The following KHDRBS2 variants were observed in gnomAD, a reference collection of about 807,000 sequenced individuals.
The protein encoded by KHDRBS2 is KH RNA binding domain containing, signal transduction associated 2.
Under a neutral mutation model 44.3 loss-of-function variants are expected in KHDRBS2, and 26 were observed. That is an observed-to-expected ratio of 0.59 (90% CI 0.43 to 0.81). The LOEUF (loss-of-function observed/expected upper bound fraction) is 0.81, where lower values mean the gene tolerates loss of function less well. Among genes scored for constraint, KHDRBS2 ranks in the 40% least tolerant of loss-of-function variants. The pLI, the probability that KHDRBS2 is intolerant of heterozygous loss-of-function variation, is 0.00. For missense variants in KHDRBS2, 476 were observed against 433.1 expected (o/e 1.10, Z -0.88); for synonymous variants, 194 against 151.1 (o/e 1.28, Z -2.08).
chr6:61,977,710 A>G (rs1562568836), intron 4 of KHDRBS2, among the ~76,000 whole-genome samples: 1 of 152,100 alleles, frequency 6.6e-6, no homozygotes, highest in Admixed American at 6.6e-5. Context: ...TTCCCTATTA[A>G]TTGTAAATTG....
the KHDRBS2 span, among the ~76,000 whole-genome samples, chr6:61,656,030 A>C: frequency 6.6e-6 from 1 of 152,090 alleles, no homozygotes; most frequent in Non-Finnish European, 1.5e-5. Flanking sequence ...TATGCAGTAT[A>C]AACAAAATTC....
intron 2 of KHDRBS2, among the ~76,000 whole-genome samples, chr6:62,060,240 T>C (rs559576825): frequency 6.6e-6 from 1 of 151,898 alleles, no homozygotes; most frequent in African/African-American, 2.4e-5. Flanking sequence ...TTCTGATCTT[T>C]AGGTAAAAGC....
intron 2 of KHDRBS2, among the ~76,000 whole-genome samples, chr6:62,122,032 T>C (rs1807779558): frequency 6.6e-6 from 1 of 152,022 alleles, no homozygotes; most frequent in South Asian, 2.1e-4. Flanking sequence ...TTTGGGTGTG[T>C]TACTCCAGCC....
chr6:61,835,449 A>T (rs1480118316), intron 6 of KHDRBS2, among the ~76,000 whole-genome samples: 1 of 151,998 alleles, frequency 6.6e-6, no homozygotes, highest in Non-Finnish European at 1.5e-5. Flanking sequence ...CTTCCATAGT[A>T]CAGAGATATT....
chr6:61,745,398 T>C (rs146179727), intron 6 of KHDRBS2, among the ~76,000 whole-genome samples: 1 of 152,302 alleles, frequency 6.6e-6, no homozygotes, highest in Non-Finnish European at 1.5e-5. Context: ...TGAACAGAAC[T>C]ATGACTAATG....
intron 1 of KHDRBS2, among the ~76,000 whole-genome samples, chr6:62,239,565 C>T (rs1834250519): frequency 8.3e-6 from 1 of 120,842 alleles, no homozygotes; most frequent in African/African-American, 3.5e-5. Flanking sequence ...AGAGTTAGAC[C>T]CCATCTCAAT....
At chr6:61,586,032 A>C in the KHDRBS2 span, among the ~76,000 whole-genome samples, 1 of 152,192 alleles carries the variant, frequency 6.6e-6, no homozygotes, top group Admixed American at 6.6e-5. Flanking sequence ...GCCAACACTG[A>C]GATAACACTG....
At chr6:62,143,718 T>C (rs539737785) in intron 2 of KHDRBS2, among the ~76,000 whole-genome samples, 1 of 151,848 alleles carries the variant, frequency 6.6e-6, no homozygotes, top group African/African-American at 2.4e-5. Context: ...TTTCAGAATG[T>C]TAGACTTAGA....
At chr6:61,843,957 C>A (rs1181490237) in intron 6 of KHDRBS2, among the ~76,000 whole-genome samples, 5 of 152,080 alleles carry the variant, frequency 3.3e-5, no homozygotes. Context: ...GCTTAAGTGT[C>A]AATCTTTTCT....
intron 2 of KHDRBS2, among the ~76,000 whole-genome samples, chr6:62,129,709 G>A (rs1311762938): frequency 6.6e-6 from 1 of 151,990 alleles, no homozygotes; most frequent in Non-Finnish European, 1.5e-5. Flanking sequence ...AATTAAAATA[G>A]CATTAAAATT....
At chr6:62,036,471 C>T (rs893433621) in intron 3 of KHDRBS2, among the ~76,000 whole-genome samples, 14 of 151,896 alleles carry the variant, frequency 9.2e-5, no homozygotes, top group African/African-American at 3.4e-4. Context: ...ACAAAATAAT[C>T]TGTACACCAG....
chr6:61,925,787 T>C (rs1439339129), intron 4 of KHDRBS2, among the ~76,000 whole-genome samples: 1 of 151,812 alleles, frequency 6.6e-6, no homozygotes, highest in Non-Finnish European at 1.5e-5. Context: ...TTAATAAAGA[T>C]TAACATGTAA....
chr6:61,709,359 T>C (rs912611837), intron 7 of KHDRBS2, among the ~76,000 whole-genome samples: 3 of 151,658 alleles, frequency 2.0e-5, no homozygotes, highest in South Asian at 2.1e-4. Context: ...AGAATCAAGA[T>C]AGATGATCTA....
At chr6:61,911,061 A>C (rs1182266570) in intron 4 of KHDRBS2, among the ~76,000 whole-genome samples, 1 of 152,180 alleles carries the variant, frequency 6.6e-6, no homozygotes, top group East Asian at 1.9e-4. Context: ...CCAAATTCTT[A>C]ACAAAGAAAC....
At chr6:61,607,520 C>CAAAAAAAAAAAAAAAA in the KHDRBS2 span, among the ~76,000 whole-genome samples, 58 of 41,108 alleles carry the variant, frequency 1.4e-3, 15 homozygotes, top group African/African-American at 1.8e-3. Flanking sequence ...GAGTTCCAAG[C>CAAAAAAAAAAAAAAAA]AAAAAAAAAA....
At chr6:61,968,034 C>T (rs567416668) in intron 4 of KHDRBS2, among the ~76,000 whole-genome samples, 68 of 150,936 alleles carry the variant, frequency 4.5e-4, no homozygotes, top group African/African-American at 1.6e-3. Context: ...GTGCATGGCA[C>T]AGTAGTTAAA....
intron 2 of KHDRBS2, among the ~76,000 whole-genome samples, chr6:62,162,897 T>G (rs556743888): frequency 1.3e-5 from 2 of 152,130 alleles, no homozygotes; most frequent in East Asian, 3.9e-4. Flanking sequence ...GCTGAGACAG[T>G]GTAGATGACA....
At chr6:62,143,980 A>C (rs1813401754) in intron 2 of KHDRBS2, among the ~76,000 whole-genome samples, 1 of 151,946 alleles carries the variant, frequency 6.6e-6, no homozygotes, top group South Asian at 2.1e-4. Flanking sequence ...TTGAAAAAAC[A>C]AAATATAAGC....
At chr6:62,230,120 T>A (rs2150158454) in intron 1 of KHDRBS2, among the ~76,000 whole-genome samples, 2 of 152,340 alleles carry the variant, frequency 1.3e-5, no homozygotes, top group South Asian at 4.1e-4. Context: ...TCCTTTAATA[T>A]GTAGTACACA....
Sources: allele counts gnomAD v4.1 joint callset (sites outside exome capture counted in the v4.1 genomes callset), GRCh38; gene constraint gnomAD v4.1.1; transcripts MANE v1.5; gene names NCBI Gene and HGNC (gene_info 2026-07-23, HGNC 2026-07-21).